Variants in CDK14 observed in about 807,000 individuals in gnomAD.
CDK14 encodes cyclin dependent kinase 14, also known as cyclin-dependent kinase 14.
A neutral mutation model predicts 60.7 loss-of-function variants in CDK14; 34 were observed. The observed-to-expected ratio is 0.56, with a 90% CI of 0.43 to 0.75. The LOEUF (loss-of-function observed/expected upper bound fraction) is 0.75, where lower values mean the gene tolerates loss of function less well. CDK14 is among the 30% of genes least tolerant of loss of function. The pLI, the probability that CDK14 is intolerant of heterozygous loss-of-function variation, is 0.00. For missense variants in CDK14, 482 were observed against 564.1 expected, an observed-to-expected ratio of 0.85 and a Z score of 1.47; for synonymous variants, 197 against 203.7, an observed-to-expected ratio of 0.97 and a Z score of 0.28.
chr7:90,875,732 TCTC>T (rs755084305), intron 6 of CDK14, among the ~76,000 whole-genome samples: 20 of 152,120 alleles, frequency 1.3e-4, no homozygotes, highest in Non-Finnish European at 2.2e-4. Context: ...CCTGGATTGT[TCTC>T]CTAATTTTCT....
intron 9 of CDK14, among the ~76,000 whole-genome samples, chr7:90,958,184 A>G (rs975495622): frequency 6.6e-6 from 1 of 152,132 alleles, no homozygotes; most frequent in Non-Finnish European, 1.5e-5. Context: ...TGAGAAAACA[A>G]TCAAGTTTCT....
chr7:91,048,435 A>G (rs575152156), intron 11 of CDK14, among the ~76,000 whole-genome samples: 98 of 152,316 alleles, frequency 6.4e-4, no homozygotes, highest in African/African-American at 2.4e-3. Context: ...GTGCTTTGCT[A>G]TTATAAATAT....
chr7:90,729,348 T>TTTG (rs1802764900), intron 3 of CDK14, among the ~76,000 whole-genome samples: 2 of 118,320 alleles, frequency 1.7e-5, no homozygotes, highest in East Asian at 2.4e-4. Flanking sequence ...ATCAAGGTTT[T>TTTG]TTTTTTTTTT....
intron 2 of CDK14, among the ~76,000 whole-genome samples, chr7:90,623,268 G>A (rs1167384720): frequency 6.6e-6 from 1 of 152,092 alleles, no homozygotes; most frequent in Non-Finnish European, 1.5e-5. Flanking sequence ...CTGAAAGAGT[G>A]GATCTGTGCC....
intron 9 of CDK14, chr7:90,979,658 C>T (rs987645444): frequency 2.0e-5 from 3 of 152,186 alleles, no homozygotes; most frequent in African/African-American, 7.2e-5. Flanking sequence ...AAATTCTAAA[C>T]TATTAGACAT....
chr7:90,963,086 A>AGAGAGTGTGT (rs146903374), intron 9 of CDK14, among the ~76,000 whole-genome samples: 1,893 of 142,162 alleles, frequency 0.013, 38 homozygotes, highest in Non-Finnish European at 0.016. Flanking sequence ...TCATCTTAAG[A>AGAGAGTGTGT]GTGTGTGTGT....
chr7:90,799,969 T>TAA (rs1377336969), intron 5 of CDK14, among the ~76,000 whole-genome samples: 1 of 152,046 alleles, frequency 6.6e-6, no homozygotes, highest in Non-Finnish European at 1.5e-5. Context: ...AGAAAGGGTC[T>TAA]AAAAGAGGAA....
chr7:91,046,243 A>G (rs1459919821), intron 11 of CDK14, among the ~76,000 whole-genome samples: 4 of 152,218 alleles, frequency 2.6e-5, no homozygotes, highest in Non-Finnish European at 5.9e-5. Flanking sequence ...ACTAGCATCC[A>G]TGTCTATAAA....
chr7:90,604,041 A>G (rs1799369942), intron 1 of CDK14, among the ~76,000 whole-genome samples, 177 bp from the exon 2 acceptor site: 1 of 152,216 alleles, frequency 6.6e-6, no homozygotes, highest in South Asian at 2.1e-4. Context: ...ATGCTGTGCA[A>G]TTCTCTTTCA....
chr7:90,862,075 T>C (rs552535355), intron 5 of CDK14, among the ~76,000 whole-genome samples: 18 of 151,910 alleles, frequency 1.2e-4, no homozygotes, highest in African/African-American at 3.6e-4. Context: ...AAAATTAGAG[T>C]TAATTGAACT....
intron 10 of CDK14, among the ~76,000 whole-genome samples, chr7:91,018,454 A>C (rs944011150): frequency 2.7e-5 from 4 of 148,192 alleles, no homozygotes; most frequent in African/African-American, 4.9e-5. Context: ...TCACACAAAA[A>C]AATTAATAAA....
intron 2 of CDK14, among the ~76,000 whole-genome samples, chr7:90,700,886 G>T (rs1422414293): frequency 6.6e-6 from 1 of 151,990 alleles, no homozygotes; most frequent in Non-Finnish European, 1.5e-5. Context: ...GTTGTGTCTC[G>T]TTCATCTTTA....
chr7:90,660,944 G>T (rs919431966), intron 2 of CDK14, among the ~76,000 whole-genome samples: 2 of 152,180 alleles, frequency 1.3e-5, no homozygotes, highest in Non-Finnish European at 2.9e-5. Context: ...ATACCTTTTT[G>T]TGGCCCAACT....
chr7:90,782,044 C>T (rs535182897), intron 4 of CDK14, among the ~76,000 whole-genome samples: 33 of 152,224 alleles, frequency 2.2e-4, no homozygotes, highest in South Asian at 1.7e-3. Context: ...TCTTCTTACC[C>T]ATGAGCATGG....
At chr7:90,599,305 C>G (rs149030692) in intron 1 of CDK14, among the ~76,000 whole-genome samples, 1 of 152,184 alleles carries the variant, frequency 6.6e-6, no homozygotes, top group Non-Finnish European at 1.5e-5. Flanking sequence ...ATCATACTGA[C>G]ATAACTGATC....
At chr7:91,063,454 G>A (rs1456150876) in intron 11 of CDK14, among the ~76,000 whole-genome samples, 1 of 152,196 alleles carries the variant, frequency 6.6e-6, no homozygotes, top group East Asian at 1.9e-4. Context: ...TGCAGCACTG[G>A]CAGAGAGCAC....
At chr7:90,732,208 T>C (rs941740384) in intron 3 of CDK14, among the ~76,000 whole-genome samples, 1 of 152,202 alleles carries the variant, frequency 6.6e-6, no homozygotes, top group Non-Finnish European at 1.5e-5. Flanking sequence ...TCATGGTGGA[T>C]AAGCTTTTTG....
At chr7:90,756,243 A>G (rs1422294477) in intron 4 of CDK14, among the ~76,000 whole-genome samples, 1 of 152,244 alleles carries the variant, frequency 6.6e-6, no homozygotes, top group Non-Finnish European at 1.5e-5. Flanking sequence ...CTATTTCTTT[A>G]TAAGAAAACG....
intron 11 of CDK14, among the ~76,000 whole-genome samples, chr7:91,055,186 G>C (rs1797513458): frequency 6.6e-6 from 1 of 151,960 alleles, no homozygotes; most frequent in Admixed American, 6.6e-5. Flanking sequence ...AGCTGACCAG[G>C]GATTTGTTAT....
Sources: gnomAD v4.1 joint callset for allele counts (sites outside exome capture counted in the v4.1 genomes callset) on GRCh38, gnomAD v4.1.1 for gene constraint, MANE v1.5 for transcripts, NCBI Gene and HGNC (gene_info 2026-07-23, HGNC 2026-07-21) for gene names.